PLA2G2A: variants seen among roughly 807,000 people sequenced by gnomAD.
PLA2G2A encodes the protein phospholipase A2, membrane associated.
In PLA2G2A, 6 loss-of-function variants were observed where a neutral mutation model predicts 11.2. That is an observed-to-expected ratio of 0.54 (90% CI 0.29 to 1.06). The LOEUF is 1.06. PLA2G2A is among the 50% of genes least tolerant of loss of function. The pLI is 0.08. For synonymous variants in PLA2G2A, 69 were observed against 65.8 expected, an observed-to-expected ratio of 1.05 and a Z score of -0.23; for missense variants, 133 against 177.1, an observed-to-expected ratio of 0.75 and a Z score of 1.41.
chr1:19,980,366 T>TTG (rs1198786394), upstream of PLA2G2A: 1 of 152,548 alleles, frequency 6.6e-6, no homozygotes, highest in African/African-American at 2.4e-5. Context: ...CCTCACCTGT[T>TTG]TGGAGACAGG....
intron 3 of PLA2G2A, 89 bp downstream of exon 3, chr1:19,978,291 G>A: frequency 6.7e-7 from 1 of 1,502,418 alleles, no homozygotes; most frequent in African/African-American, 1.4e-5. Flanking sequence ...TGAGACCTCT[G>A]CGCCCATCAG....
At chr1:19,980,082 C>G (rs2100422539), upstream of PLA2G2A, among the ~76,000 whole-genome samples, 1 of 152,300 alleles carries the variant, frequency 6.6e-6, no homozygotes, top group South Asian at 2.1e-4. Context: ...TTCAGCCGCT[C>G]AATCATTCAT....
At chr1:19,977,183 A>T (rs939457608) in intron 4 of PLA2G2A, among the ~76,000 whole-genome samples, 53 of 151,978 alleles carry the variant, frequency 3.5e-4, no homozygotes, top group African/African-American at 1.2e-3. Flanking sequence ...GGAGGCCCCT[A>T]AACTCAACAT....
intron 1 of PLA2G2A, 135 bp downstream of exon 1, chr1:19,979,445 C>G: frequency 1.3e-5 from 2 of 158,024 alleles, no homozygotes; most frequent in Admixed American, 5.9e-5. Flanking sequence ...CATACTCACT[C>G]AACACACTCA....
At chr1:19,977,430 G>A (rs1239700400) in intron 4 of PLA2G2A, among the ~76,000 whole-genome samples, 4 of 152,190 alleles carry the variant, frequency 2.6e-5, no homozygotes, top group African/African-American at 9.7e-5. Flanking sequence ...TTGCCTGCAT[G>A]ATGGCAATAG....
At chr1:19,976,808 C>T (rs1300968635) in intron 4 of PLA2G2A, among the ~76,000 whole-genome samples, 2 of 152,170 alleles carry the variant, frequency 1.3e-5, no homozygotes, top group Non-Finnish European at 2.9e-5. Flanking sequence ...CCCATCAGCC[C>T]CCACCTGGTC....
intron 1 of PLA2G2A, 35 bp downstream of exon 1, chr1:19,979,545 C>T (rs1431783917): frequency 6.5e-6 from 1 of 152,864 alleles, no homozygotes; most frequent in African/African-American, 2.4e-5. Flanking sequence ...AGGAATTCTG[C>T]TCTTGACAGG....
At chr1:19,976,660 C>T (rs553450204) in intron 4 of PLA2G2A, among the ~76,000 whole-genome samples, 132 of 152,294 alleles carry the variant, frequency 8.7e-4, no homozygotes, top group Non-Finnish European at 1.5e-3. Context: ...CAGGAGTCCA[C>T]GCTTTTTCCA....
Position 19,978,523 on chromosome 1 carries a change from G to A in PLA2G2A, c.42C>T (p.Gly14=), listed in dbSNP as rs12721465. 2.8e-4 allele frequency: 449 copies of A among 1,613,462 alleles called. 5 individuals are homozygous for A. In the East Asian group the frequency reaches 9.5e-3, roughly 34 times the overall value. The change falls in exon 3 of 5, where the codon GGC becomes GGT. Residue 14 remains glycine, a splice_region_variant and synonymous_variant. Transcript: ENST00000482011. Reference sequence around the variant, plus strand: ...CCAAATTCCCATGGGCCTGCAGTAGGCCTGGAAGGAAATTTGGGAGTTGTC... The same window carrying A: ...CCAAATTCCCATGGGCCTGCAGTAGACCTGGAAGGAAATTTGGGAGTTGTC...
upstream of PLA2G2A, among the ~76,000 whole-genome samples, chr1:19,980,000 G>C (rs2046278672): frequency 6.6e-6 from 1 of 152,186 alleles, no homozygotes; most frequent in Non-Finnish European, 1.5e-5. Context: ...CAATTGCTGA[G>C]CAAGGATTGC....
chr1:19,978,146 C>T (rs773992543), intron 3 of PLA2G2A, 25 bp from the exon 4 acceptor site: 6 of 1,547,340 alleles, frequency 3.9e-6, no homozygotes, highest in Non-Finnish European at 5.4e-6. Context: ...CCTGTTGGGG[C>T]TCTTGTCCCA....
chr1:19,978,390 C>T (rs1447911022), exon 3 of PLA2G2A: 1 of 1,612,916 alleles, frequency 6.2e-7, no homozygotes, highest in Non-Finnish European at 8.5e-7. Flanking sequence ...CGATCCGTTG[C>T]ATCCTTGGGG....
upstream of PLA2G2A, among the ~76,000 whole-genome samples, chr1:19,979,942 G>A (rs540550737): frequency 2.6e-5 from 4 of 152,344 alleles, no homozygotes; most frequent in South Asian, 6.2e-4. Flanking sequence ...GGCAGAGACT[G>A]TCTGCTGTTG....
At chr1:19,978,085 C>T in exon 4 of PLA2G2A, 1 of 1,614,018 alleles carries the variant, frequency 6.2e-7, no homozygotes, top group Non-Finnish European at 8.5e-7. Context: ...CACGTTTCTC[C>T]AGACGTTTGT....
rs544079746 is a variant in PLA2G2A at position 19,978,633 on chromosome 1, CCT to C, written c.40+99_40+100del. The stretch of plus-strand genomic sequence containing the variant: ...CCTCCCAAATGGCTTCTTTTTTCCC[CCT>C]GAGAGAGGATCACTGCAATGGGAGA... On this transcript the variant is annotated intron_variant, in intron 2 of 4. Coordinates refer to ENST00000482011, the Ensembl canonical transcript of PLA2G2A. 2.8e-5 allele frequency: 44 copies of C among 1,597,414 alleles called. No individual in the cohort carries two copies. The African/African-American group carries it at 3.5e-4, about 13-fold the overall frequency.
Position 19,978,588 on chromosome 1 carries a change from C to G in PLA2G2A, c.41-64G>C, listed in dbSNP as rs1177142100. The G allele has an allele frequency of 3.7e-6, 6 of 1,606,018 alleles. No individual in the cohort carries two copies. The African/African-American group carries it at 8.0e-5, about 21-fold the overall frequency. ...GGGGTTCTGCGCCCTCCCTCTCTGCCCCTCTCTGCTACTCTCCTTCCTCCC... is the reference window on the plus strand; with the variant it reads ...GGGGTTCTGCGCCCTCCCTCTCTGCGCCTCTCTGCTACTCTCCTTCCTCCC... On this transcript the variant is annotated intron_variant, in intron 2 of 4. Transcript: ENST00000482011.
chr1:19,976,169 T>G, intron 4 of PLA2G2A, among the ~76,000 whole-genome samples: 1 of 152,216 alleles, frequency 6.6e-6, no homozygotes, highest in East Asian at 1.9e-4. Context: ...TTGTGATTGG[T>G]GTAAGCCAGG....
chr1:19,975,661 A>G (rs1369372618), downstream of PLA2G2A: 1 of 1,597,924 alleles, frequency 6.3e-7, no homozygotes, highest in Admixed American at 1.7e-5. Context: ...GAGAGAGGGA[A>G]ATTCAGCACT....
At chr1:19,978,519 G>A in exon 3 of PLA2G2A, 1 of 1,613,574 alleles carries the variant, frequency 6.2e-7, no homozygotes, top group Non-Finnish European at 8.5e-7. Context: ...TGGGCCTGCA[G>A]TAGGCCTGGA....
Sources: gnomAD v4.1 joint callset for allele counts (sites outside exome capture counted in the v4.1 genomes callset) on GRCh38, gnomAD v4.1.1 for gene constraint, MANE v1.5 for transcripts, NCBI Gene and HGNC (gene_info 2026-07-23, HGNC 2026-07-21) for gene names.